Variants in GALNTL6 observed in about 807,000 individuals in gnomAD.
GALNTL6 encodes the protein polypeptide N-acetylgalactosaminyltransferase-like 6.
Under a neutral mutation model 73.7 loss-of-function variants are expected in GALNTL6, and 46 were observed. That is an observed-to-expected ratio of 0.62 (90% confidence interval 0.49 to 0.80). GALNTL6 has a LOEUF of 0.80. Ranked by LOEUF, GALNTL6 falls within the 30% of genes least tolerant of loss-of-function variation. The pLI is 0.00. For synonymous variants in GALNTL6, 259 were observed against 263.7 expected (o/e 0.98, Z 0.17); for missense variants, 604 against 755.0 (o/e 0.80, Z 2.34).
At chr4:172,069,470 T>C (rs144771285) in intron 2 of GALNTL6, among the ~76,000 whole-genome samples, 2,914 of 43,312 alleles carry the variant, frequency 0.067, 1,029 homozygotes, top group Non-Finnish European at 0.15. Flanking sequence ...ACATATAACA[T>C]ATATGTTATA....
chr4:172,698,488 C>T (rs1187590711), intron 5 of GALNTL6, among the ~76,000 whole-genome samples: 1 of 152,126 alleles, frequency 6.6e-6, no homozygotes, highest in Admixed American at 6.5e-5. Context: ...GTGGGCTTTG[C>T]CTCCCACGTG....
intron 2 of GALNTL6, among the ~76,000 whole-genome samples, chr4:172,181,883 T>C (rs1735256940): frequency 1.3e-5 from 2 of 151,574 alleles, no homozygotes; most frequent in Middle Eastern, 3.4e-3. Context: ...GCCCGGCTAA[T>C]TTTTTTTGTA....
intron 2 of GALNTL6, among the ~76,000 whole-genome samples, chr4:171,890,536 A>T (rs1393751618): frequency 1.3e-5 from 2 of 152,168 alleles, no homozygotes; most frequent in Non-Finnish European, 2.9e-5. Flanking sequence ...CTGAGGGATG[A>T]ATAAAATAAT....
chr4:172,359,307 A>T (rs772983522), intron 5 of GALNTL6, among the ~76,000 whole-genome samples: 2 of 152,118 alleles, frequency 1.3e-5, no homozygotes. Context: ...ACACCTTCAC[A>T]CTTATAAGTG....
chr4:171,910,894 AT>A (rs1275457800), intron 2 of GALNTL6, among the ~76,000 whole-genome samples: 1 of 152,136 alleles, frequency 6.6e-6, no homozygotes, highest in African/African-American at 2.4e-5. Context: ...CTATTCAATG[AT>A]TTTTTTATGT....
chr4:172,817,328 A>G (rs1246766538), intron 7 of GALNTL6, among the ~76,000 whole-genome samples: 1 of 151,982 alleles, frequency 6.6e-6, no homozygotes, highest in African/African-American at 2.4e-5. Context: ...CTACTTGGGA[A>G]GCTGAGGTGG....
At chr4:172,981,136 G>C (rs141637976) in intron 10 of GALNTL6, among the ~76,000 whole-genome samples, 1 of 152,166 alleles carries the variant, frequency 6.6e-6, no homozygotes, top group Non-Finnish European at 1.5e-5. Flanking sequence ...TTTAGGCTAT[G>C]CTTAATAATG....
intron 2 of GALNTL6, among the ~76,000 whole-genome samples, chr4:172,072,851 A>G (rs1281896222): frequency 6.6e-6 from 1 of 152,190 alleles, no homozygotes; most frequent in Non-Finnish European, 1.5e-5. Flanking sequence ...TATGCAGTCT[A>G]TCTTTTATAC....
chr4:172,680,236 T>TA (rs1032236701), intron 5 of GALNTL6, among the ~76,000 whole-genome samples: 1 of 152,186 alleles, frequency 6.6e-6, no homozygotes, highest in African/African-American at 2.4e-5. Flanking sequence ...GTAGTTTTTT[T>TA]AAAAAACTAG....
chr4:172,260,081 G>GT (rs1416630805), intron 3 of GALNTL6, among the ~76,000 whole-genome samples: 1 of 151,186 alleles, frequency 6.6e-6, no homozygotes, highest in Non-Finnish European at 1.5e-5. Context: ...GGCTTTTGCC[G>GT]TTTTTTGGTT....
At chr4:172,144,980 C>T (rs950047194) in intron 2 of GALNTL6, among the ~76,000 whole-genome samples, 48 of 151,722 alleles carry the variant, frequency 3.2e-4, no homozygotes, top group African/African-American at 1.1e-3. Flanking sequence ...TTTTTTGAGA[C>T]AGGATCTTTC....
intron 5 of GALNTL6, among the ~76,000 whole-genome samples, chr4:172,637,366 G>A (rs1054023342): frequency 2.6e-5 from 4 of 152,052 alleles, no homozygotes; most frequent in African/African-American, 7.2e-5. Context: ...CTTTAGACAG[G>A]AATAGAAAAT....
chr4:172,038,987 C>G (rs1447769967), intron 2 of GALNTL6, among the ~76,000 whole-genome samples: 1 of 152,296 alleles, frequency 6.6e-6, no homozygotes. Context: ...CCTGATGCCA[C>G]TGGGCTTGGT....
At chr4:172,713,221 G>GGTGT (rs1560898632) in intron 5 of GALNTL6, among the ~76,000 whole-genome samples, 2 of 74,272 alleles carry the variant, frequency 2.7e-5, no homozygotes, top group East Asian at 4.6e-4. Context: ...AAAAGAATAA[G>GGTGT]ATGTGTGTGT....
intron 5 of GALNTL6, among the ~76,000 whole-genome samples, chr4:172,440,769 T>C (rs1731806375): frequency 1.2e-5 from 1 of 86,240 alleles, no homozygotes; most frequent in Admixed American, 1.3e-4. Context: ...GCTGTAAATC[T>C]AAAACTGCTT....
At chr4:172,720,248 C>T (rs1296329082) in intron 5 of GALNTL6, among the ~76,000 whole-genome samples, 1 of 151,982 alleles carries the variant, frequency 6.6e-6, no homozygotes, top group Non-Finnish European at 1.5e-5. Context: ...GGCTCACAGA[C>T]AGTTTAAAGG....
rs1732196067 is a variant in GALNTL6, at chr4:172,091,277, G to C, written c.139-138379G>C. 2.0e-5 allele frequency among the ~76,000 whole-genome samples: 3 copies of C among 152,130 alleles called. No homozygotes were observed. In the South Asian group the frequency reaches 6.2e-4, roughly 32 times the overall value. ...TATAGAGTCTTTTTAAGCTGGCTTTGCTGGAACTTGTTCATCAGGAATTTC... is the reference window on the plus strand; with the variant it reads ...TATAGAGTCTTTTTAAGCTGGCTTTCCTGGAACTTGTTCATCAGGAATTTC... On this transcript the variant is annotated intron_variant, in intron 2 of 12. Coordinates refer to ENST00000506823, the MANE Select transcript of GALNTL6 (RefSeq NM_001034845.3).
chr4:172,858,156 C>T (rs961205468), intron 7 of GALNTL6, among the ~76,000 whole-genome samples: 1 of 152,160 alleles, frequency 6.6e-6, no homozygotes, highest in Non-Finnish European at 1.5e-5. Flanking sequence ...GTGACATTCC[C>T]TTTAACTAGG....
At position 172,533,316 on chromosome 4, in the gene GALNTL6, A is replaced by ATTTTT. The variant is rs34973148; in HGVS notation, c.553+184649_553+184653dup. 2.6e-3 allele frequency among the ~76,000 whole-genome samples: 198 copies of ATTTTT among 77,420 alleles called. 44 individuals carry two copies. The highest frequency in any genetic ancestry group is 4.6e-3 in the African/African-American group (83 of 17,996). The allele number at this position is 77,420 out of a possible 152,430, so 50.8% of individuals were successfully genotyped here. ...GCGTGAGCCGCCGTGCCCGGCCAGA[A>ATTTTT]TTTTTTTTTTTTTTTTTTTTTTTTT... On this transcript the variant is annotated intron_variant, in intron 5 of 12. Coordinates refer to ENST00000506823, the MANE Select transcript of GALNTL6 (RefSeq NM_001034845.3).
Sources: allele counts gnomAD v4.1 joint callset (sites outside exome capture counted in the v4.1 genomes callset), GRCh38; gene constraint gnomAD v4.1.1; transcripts MANE v1.5; gene names NCBI Gene and HGNC (gene_info 2026-07-23, HGNC 2026-07-21).